TMEM117: variants seen among roughly 807,000 people sequenced by gnomAD.
TMEM117 encodes transmembrane protein 117.
Under a neutral mutation model 52.4 loss-of-function variants are expected in TMEM117, and 27 were observed. The ratio of observed to expected loss-of-function variants is 0.51; its 90% CI spans 0.38 to 0.71. The LOEUF is 0.71. Ranked by LOEUF, TMEM117 falls within the 30% of genes least tolerant of loss-of-function variation. TMEM117 has a pLI of 0.00. For synonymous variants in TMEM117, 215 were observed against 206.3 expected, an observed-to-expected ratio of 1.04 and a Z score of -0.36; for missense variants, 556 against 630.5, an observed-to-expected ratio of 0.88 and a Z score of 1.26.
intron 5 of TMEM117, among the ~76,000 whole-genome samples, chr12:44,222,443 C>T (rs1949801123): frequency 6.6e-6 from 1 of 152,148 alleles, no homozygotes. Context: ...GATAATCATT[C>T]TTTTATAGGA....
At chr12:44,206,398 G>A (rs565023690) in intron 4 of TMEM117, among the ~76,000 whole-genome samples, 3 of 152,294 alleles carry the variant, frequency 2.0e-5, no homozygotes, top group Admixed American at 6.5e-5. Flanking sequence ...GTGCTGCAGA[G>A]ATCTTGTTTA....
chr12:43,941,716 G>C (rs148564575), intron 2 of TMEM117, among the ~76,000 whole-genome samples: 1 of 152,152 alleles, frequency 6.6e-6, no homozygotes, highest in Non-Finnish European at 1.5e-5. Flanking sequence ...ATATTTTGCA[G>C]CACTTTTATT....
At chr12:44,120,827 G>T (rs747134936) in intron 3 of TMEM117, among the ~76,000 whole-genome samples, 4 of 152,170 alleles carry the variant, frequency 2.6e-5, no homozygotes, top group Non-Finnish European at 5.9e-5. Context: ...CCTACTGTGT[G>T]TTCCCCATCC....
At position 44,040,993 on chromosome 12, in the gene TMEM117, A is replaced by G. The variant is rs1362051930; in HGVS notation, c.410+96651A>G. ...TGACAGAAGTAAATGGCAATGAAAA[A>G]ATAAGCACATGGAAAAAAGAAATAC... On this transcript the variant is annotated intron_variant, in intron 3 of 7. Coordinates refer to ENST00000266534, the MANE Select transcript of TMEM117 (RefSeq NM_032256.3). 1.1e-3 allele frequency among the ~76,000 whole-genome samples: 169 copies of G among 152,220 alleles called. 2 individuals carry two copies. The highest frequency in any genetic ancestry group is 5.9e-5 in the Non-Finnish European group (4 of 68,034).
intron 3 of TMEM117, among the ~76,000 whole-genome samples, chr12:44,011,364 A>C (rs1202764845): frequency 2.6e-5 from 4 of 152,028 alleles, no homozygotes; most frequent in Non-Finnish European, 5.9e-5. Context: ...TTCTCATTCC[A>C]AGTGGAAGTA....
chr12:43,908,348 A>G (rs1404208947), intron 2 of TMEM117, among the ~76,000 whole-genome samples: 1 of 80,360 alleles, frequency 1.2e-5, no homozygotes, highest in Non-Finnish European at 3.5e-5. Context: ...TGAAGGAAGC[A>G]CTAAACATGG....
chr12:44,206,012 C>T (rs1450910072), intron 4 of TMEM117, among the ~76,000 whole-genome samples: 1 of 152,230 alleles, frequency 6.6e-6, no homozygotes, highest in Non-Finnish European at 1.5e-5. Context: ...AATCAGGGGG[C>T]TGACAGCCTT....
At chr12:44,235,629 T>C (rs1216679107) in intron 5 of TMEM117, among the ~76,000 whole-genome samples, 1 of 151,804 alleles carries the variant, frequency 6.6e-6, no homozygotes, top group East Asian at 1.9e-4. Context: ...TTTTCCCTTC[T>C]TCCAGTTTGC....
intron 6 of TMEM117, among the ~76,000 whole-genome samples, chr12:44,347,993 C>A (rs1951511018): frequency 6.6e-6 from 1 of 151,962 alleles, no homozygotes; most frequent in Admixed American, 6.6e-5. Context: ...GAGGGTTAAT[C>A]ACAAATAGTG....
At chr12:43,797,817 C>T in the TMEM117 span, 16 of 1,613,108 alleles carry the variant, frequency 9.9e-6, no homozygotes, top group Middle Eastern at 1.6e-4. Context: ...AGTGTCCACA[C>T]CCACGTCAGT....
At chr12:44,184,517 G>A (rs982029734) in intron 4 of TMEM117, among the ~76,000 whole-genome samples, 1 of 150,634 alleles carries the variant, frequency 6.6e-6, no homozygotes, top group African/African-American at 2.4e-5. Flanking sequence ...AAGCATGAAA[G>A]GGAGTTGGCT....
At chr12:44,143,825 A>G (rs1342403396) in intron 4 of TMEM117, among the ~76,000 whole-genome samples, 1 of 152,204 alleles carries the variant, frequency 6.6e-6, no homozygotes, top group African/African-American at 2.4e-5. Context: ...TTAGAATACA[A>G]GTAATGGCAC....
At chr12:43,808,893 G>A in the TMEM117 span, among the ~76,000 whole-genome samples, 3 of 150,728 alleles carry the variant, frequency 2.0e-5, no homozygotes, top group East Asian at 2.0e-4. Context: ...GAATTCAAGC[G>A]CAAGGTGACC....
At chr12:44,236,658 G>A (rs563490794) in intron 5 of TMEM117, among the ~76,000 whole-genome samples, 1 of 152,068 alleles carries the variant, frequency 6.6e-6, no homozygotes, top group Non-Finnish European at 1.5e-5. Flanking sequence ...TGCATACCCA[G>A]TTATCACTGG....
chr12:44,338,532 A>T (rs982948697), intron 6 of TMEM117, among the ~76,000 whole-genome samples: 1 of 152,030 alleles, frequency 6.6e-6, no homozygotes, highest in African/African-American at 2.4e-5. Flanking sequence ...TAACATGTGT[A>T]AAACATTTTA....
intron 4 of TMEM117, among the ~76,000 whole-genome samples, chr12:44,179,170 G>A (rs993745482): frequency 6.6e-6 from 1 of 152,038 alleles, no homozygotes; most frequent in East Asian, 1.9e-4. Context: ...TCCAGCCTGG[G>A]CAACAAGAGC....
At chr12:44,215,733 A>ATTTTT (rs1949707056) in intron 5 of TMEM117, among the ~76,000 whole-genome samples, 2 of 151,562 alleles carry the variant, frequency 1.3e-5, no homozygotes, top group Non-Finnish European at 1.5e-5. Flanking sequence ...TTTTTTTAAA[A>ATTTTT]AAAAAAAAGA....
At chr12:44,290,872 C>A (rs1156302902) in intron 5 of TMEM117, among the ~76,000 whole-genome samples, 1 of 152,178 alleles carries the variant, frequency 6.6e-6, no homozygotes, top group Non-Finnish European at 1.5e-5. Flanking sequence ...AACTTCCAAT[C>A]TCAAGATCCT....
intron 5 of TMEM117, among the ~76,000 whole-genome samples, chr12:44,218,016 G>T (rs1243068435): frequency 2.6e-5 from 4 of 152,134 alleles, no homozygotes; most frequent in African/African-American, 9.7e-5. Context: ...TTGAGTTCAG[G>T]AGTTCGAGAC....
Sources: allele counts gnomAD v4.1 joint callset (sites outside exome capture counted in the v4.1 genomes callset), GRCh38; gene constraint gnomAD v4.1.1; transcripts MANE v1.5; gene names NCBI Gene and HGNC (gene_info 2026-07-23, HGNC 2026-07-21).